The following MAK16 variants were observed in gnomAD, a reference collection of about 807,000 sequenced individuals.
The protein encoded by MAK16 is protein MAK16 homolog.
Under a neutral mutation model 49.9 loss-of-function variants are expected in MAK16, and 12 were observed. The ratio of observed to expected loss-of-function variants is 0.24; its 90% CI spans 0.15 to 0.39. The LOEUF (loss-of-function observed/expected upper bound fraction) is 0.39. Ranked by LOEUF, MAK16 falls within the 10% of genes least tolerant of loss-of-function variation. The pLI is 1.00. For missense variants in MAK16, 292 were observed against 363.7 expected (o/e 0.80, Z 1.60); for synonymous variants, 115 against 126.4 (o/e 0.91, Z 0.60).
chr8:33,489,004 A>C lies in MAK16; in HGVS notation c.257A>C (p.Asn86Thr). ...RLWERVRLSK[N>T]YEKALEQIDE... Reference sequence around the variant, plus strand: ...GTTTGGTAGGTCCGGCTTAGTAAAAACTATGAGAAAGCACTGGAGCAAATA... The same window carrying C: ...GTTTGGTAGGTCCGGCTTAGTAAAACCTATGAGAAAGCACTGGAGCAAATA... The change falls in exon 5 of 10, where the codon AAC (asparagine) becomes ACC (threonine). Residue 86 changes from asparagine to threonine, a missense_variant. By Grantham distance (65) the Asn-to-Thr change is moderately conservative. Coordinates refer to ENST00000360128, the MANE Select transcript of MAK16 (RefSeq NM_032509.4). The surrounding 1 kb of genome is among the most constrained non-coding windows in gnomAD (Gnocchi z 4.2). 3 of 1,614,142 alleles carry C rather than the reference A, an allele frequency of 1.9e-6. No individual in the cohort carries two copies. The highest frequency in any genetic ancestry group is 2.5e-6 in the Non-Finnish European group (3 of 1,180,038).
chr8:33,495,337 A>T (rs1287393496), intron 6 of MAK16, among the ~76,000 whole-genome samples: 2 of 152,250 alleles, frequency 1.3e-5, no homozygotes, highest in African/African-American at 4.8e-5. Flanking sequence ...AACCATAGGA[A>T]TTTCAAAATG....
chr8:33,494,029 TAA>T (rs1018997214), intron 6 of MAK16, among the ~76,000 whole-genome samples: 9 of 152,196 alleles, frequency 5.9e-5, no homozygotes, highest in Non-Finnish European at 8.8e-5. Context: ...CTGGGTTACA[TAA>T]AAAGATTGGC....
In MAK16 at chr8:33,496,719, A is replaced by T. The variant is rs773508962; in HGVS notation, c.617A>T (p.Asp206Val). Reference protein sequence around the residue: ...ESDSSDTEEKDDDDDDEEDVG... With the variant: ...ESDSSDTEEKVDDDDDEEDVG... ...GACTCTTCAGATACTGAGGAAAAAG[A>T]TGATGATGATGATGATGAGGAAGTA... Residue 206 changes from aspartate (D) to valine (V), a missense_variant, in exon 8 of 10, where the codon GAT becomes GTT. Transcript: ENST00000360128. 1.3e-6 allele frequency: 2 copies of T among 1,572,106 alleles called. No individual in the cohort carries two copies. The highest frequency in any genetic ancestry group is 1.1e-5 in the South Asian group (1 of 88,182).
In MAK16 at chr8:33,499,030, G is replaced by C; in HGVS notation, c.*401G>C. 1.5e-6 allele frequency: 1 copy of C among 653,844 alleles called. No individual in the cohort carries two copies. The highest frequency in any genetic ancestry group is 1.7e-5 in the South Asian group (1 of 59,122). 40.5% of individuals were successfully genotyped at this position (653,844 alleles called of 1,614,324 possible). Reference sequence around the variant, plus strand: ...TTGTTCTACTTTCCCTATTCTTATGGAGGTAAAAGGAAAGGAAGGAAGGAA... The same window carrying C: ...TTGTTCTACTTTCCCTATTCTTATGCAGGTAAAAGGAAAGGAAGGAAGGAA... On this transcript the variant is annotated 3_prime_UTR_variant, in exon 10 of 10. Transcript: ENST00000360128.
rs1809000089 is a variant in MAK16, at chr8:33,499,839, T to C, written c.*1210T>C. The C allele has an allele frequency of 1.3e-5, 2 of 157,218 alleles. No homozygotes were observed. Among genetic ancestry groups the C allele is most frequent in the Non-Finnish European group, 2.8e-5 (2 of 71,466 alleles). 9.7% of individuals were successfully genotyped at this position (157,218 alleles called of 1,614,324 possible). On this transcript the variant is annotated 3_prime_UTR_variant, in exon 10 of 10. Coordinates refer to ENST00000360128, the MANE Select transcript of MAK16 (RefSeq NM_032509.4). ...TATGCTGTGGCTTTGAGAAGTTAAC[T>C]TTTGTGGAATATGAAACCAAAGGAA...
At chr8:33,494,357 G>A (rs927905991) in intron 6 of MAK16, among the ~76,000 whole-genome samples, 1 of 152,182 alleles carries the variant, frequency 6.6e-6, no homozygotes, top group African/African-American at 2.4e-5. Context: ...TTACAGGCAT[G>A]AGCCACCTTG....
In MAK16 at chr8:33,500,335, C is replaced by A; in HGVS notation, c.*1706C>A. On this transcript the variant is annotated 3_prime_UTR_variant, in exon 10 of 10. Transcript: ENST00000360128. ...AGTTTCAGTCTGCCTTACCTTTACC[C>A]GTCCTTGAGAACAGCGGTCCAGGAG... is the stretch of plus-strand genomic sequence containing the variant. 1.9e-6 allele frequency: 3 copies of A among 1,614,036 alleles called. No homozygotes were observed. Among genetic ancestry groups the A allele is most frequent in the South Asian group, 1.1e-5 (1 of 91,064 alleles).
chr8:33,491,271 C>A (rs1417501512), intron 6 of MAK16, among the ~76,000 whole-genome samples: 2 of 152,158 alleles, frequency 1.3e-5, no homozygotes, highest in African/African-American at 4.8e-5. Flanking sequence ...CTTTGATACA[C>A]TAATTTCCTT....
At position 33,489,130 on chromosome 8, in the gene MAK16, T is replaced by C. The variant is rs778419068; in HGVS notation, c.383T>C (p.Leu128Pro). The C allele has an allele frequency of 6.2e-7, 1 of 1,611,802 alleles. No individual in the cohort carries two copies. The highest frequency in any genetic ancestry group is 1.7e-5 in the Admixed American group (1 of 59,742). ...CTAATTCGAATTAGAAAACTTACAC[T>C]AAAGCGACAGTAAGTATTTGGATCA... ...QYLIRIRKLT[L>P]KRQRKLVPLS... The change falls in exon 5 of 10, where the codon CTA becomes CCA. Residue 128 changes from leucine (L) to proline (P), a missense_variant. Coordinates refer to ENST00000360128, the MANE Select transcript of MAK16 (RefSeq NM_032509.4). This position sits in a 1 kb window ranked among gnomAD's most constrained non-coding sequence, Gnocchi z 4.2.
At chr8:33,487,715 C>G (rs1808710395) in intron 1 of MAK16, among the ~76,000 whole-genome samples, 1 of 152,072 alleles carries the variant, frequency 6.6e-6, no homozygotes, top group African/African-American at 2.4e-5. Flanking sequence ...AGCCACTACA[C>G]CCGGCCCATG....
chr8:33,486,087 A>G (rs753076546), intron 1 of MAK16, among the ~76,000 whole-genome samples: 9 of 152,232 alleles, frequency 5.9e-5, no homozygotes, highest in Non-Finnish European at 1.0e-4. Flanking sequence ...CAAAGTGACA[A>G]TGTAAGACAG....
rs531979967 is a variant in MAK16, at chr8:33,488,543, G to A, written c.89G>A (p.Arg30Gln). The change falls in exon 3 of 10, where the codon CGA becomes CAA. Residue 30 changes from arginine (R) to glutamine (Q), a missense_variant. Coordinates refer to ENST00000360128, the MANE Select transcript of MAK16 (RefSeq NM_032509.4). Reference sequence around the variant, plus strand: ...AGAACCAAGACTCAGAGCTTCTGCCGAAATGAATATAGCCTGACTGGACTG... The same window carrying A: ...AGAACCAAGACTCAGAGCTTCTGCCAAAATGAATATAGCCTGACTGGACTG... ...KIRTKTQSFC[R>Q]NEYSLTGLCN... 17 of 1,614,068 alleles carry A rather than the reference G, an allele frequency of 1.1e-5. No individual in the cohort carries two copies. The highest frequency in any genetic ancestry group is 6.6e-5 in the South Asian group (6 of 91,070).
rs760049007 is a variant in MAK16 at position 33,485,197 on chromosome 8, C to G, written c.-10C>G. On this transcript the variant is annotated 5_prime_UTR_variant, in exon 1 of 10. Transcript: ENST00000360128. ...TCCGACCGGAAGTTGCACGCTGAGC[C>G]GCGGACACCATGCAGTCGGATGATG... The G allele has an allele frequency of 1.9e-6, 3 of 1,614,036 alleles. No individual in the cohort carries two copies. Among genetic ancestry groups the G allele is most frequent in the East Asian group, 2.2e-5 (1 of 44,874 alleles).
intron 6 of MAK16, among the ~76,000 whole-genome samples, chr8:33,492,586 A>G (rs774844441): frequency 3.3e-5 from 5 of 152,208 alleles, no homozygotes; most frequent in Admixed American, 2.6e-4. Flanking sequence ...AGCACAAGAT[A>G]GGGGTCTAGT....
Position 33,489,328 on chromosome 8 carries a change from A to C in MAK16, c.392+189A>C. ...ATGGCAGGACTTTTAAAACAGTAGA[A>C]TACAACTTGATTATCACCCTCCTTG... On this transcript the variant is annotated intron_variant, in intron 5 of 9. Coordinates refer to ENST00000360128, the MANE Select transcript of MAK16 (RefSeq NM_032509.4). This position sits in a 1 kb window ranked among gnomAD's most constrained non-coding sequence, Gnocchi z 4.2. 1.9e-6 allele frequency: 1 copy of C among 540,422 alleles called. No homozygotes were observed. The highest frequency in any genetic ancestry group is 2.7e-5 in the South Asian group (1 of 36,798). 33.5% of individuals were successfully genotyped at this position (540,422 alleles called of 1,614,324 possible).
intron 7 of MAK16, among the ~76,000 whole-genome samples, chr8:33,496,329 T>C (rs1808857520): frequency 6.6e-6 from 1 of 152,228 alleles, no homozygotes; most frequent in South Asian, 2.1e-4. Flanking sequence ...TATTTCCCCT[T>C]GTCAGCAAAA....
intron 9 of MAK16, among the ~76,000 whole-genome samples, chr8:33,497,617 C>A (rs1808895992): frequency 6.6e-6 from 1 of 151,862 alleles, no homozygotes; most frequent in African/African-American, 2.4e-5. Flanking sequence ...TTCAGCCTCC[C>A]AAGTAGCTGG....
At position 33,498,569 on chromosome 8, in the gene MAK16, C is replaced by A. The variant is rs777958405; in HGVS notation, c.843C>A (p.Ala281=). 3 of 1,613,930 alleles carry A rather than the reference C, an allele frequency of 1.9e-6. No homozygotes were observed. The highest frequency in any genetic ancestry group is 2.7e-5 in the African/African-American group (2 of 74,868). The change falls in exon 10 of 10, where the codon GCC becomes GCA. Residue 281 remains alanine (A), a synonymous_variant. Transcript: ENST00000360128. ...GAGGACCACTGCAGAGAAAACGAGC[C>A]TATGTGGAAATAGAATACGAGCAGG... ...PLRGPLQRKR[A]YVEIEYEQET...
intron 1 of MAK16, among the ~76,000 whole-genome samples, chr8:33,487,843 T>C (rs140694570): frequency 2.3e-4 from 35 of 152,322 alleles, no homozygotes; most frequent in African/African-American, 8.2e-4. Flanking sequence ...AGAATAGTAA[T>C]GAAATTTTAT....
Sources: allele counts gnomAD v4.1 joint callset (sites outside exome capture counted in the v4.1 genomes callset), GRCh38; gene constraint gnomAD v4.1.1; non-coding constraint Gnocchi (gnomAD v3.1); transcripts MANE v1.5; gene names NCBI Gene and HGNC (gene_info 2026-07-23, HGNC 2026-07-21).